The following POMGNT1 variants were observed in gnomAD, a reference collection of about 807,000 sequenced individuals.
The protein encoded by POMGNT1 is protein O-linked-mannose beta-1,2-N-acetylglucosaminyltransferase 1.
A neutral mutation model predicts 95.6 loss-of-function variants in POMGNT1; 67 were observed. The observed-to-expected ratio is 0.70, with a 90% CI of 0.58 to 0.86. POMGNT1 has a LOEUF of 0.86. POMGNT1 is among the 40% of genes least tolerant of loss of function. The pLI is 0.00. For synonymous variants in POMGNT1, 298 were observed against 317.9 expected (o/e 0.94, Z 0.66); for missense variants, 719 against 855.2 (o/e 0.84, Z 1.99).
rs151257405 is a variant in POMGNT1, at chr1:46,189,409, T to A, written c.1895+49A>T. ...GAGAAGAAGCCATTAGCTATATCCC[T>A]GGATCTCACTAGGCCTCCTGTTTCC... is the stretch of plus-strand genomic sequence containing the variant. On this transcript the variant is annotated intron_variant, in intron 21 of 21. Transcript: ENST00000371984. The A allele has an allele frequency of 3.6e-3, 5,781 of 1,613,822 alleles. 16 individuals carry two copies. The highest frequency in any genetic ancestry group is 4.2e-3 in the Non-Finnish European group (4,999 of 1,179,860).
At chr1:46,199,292 C>G (rs898351729), upstream of POMGNT1, among the ~76,000 whole-genome samples, 4 of 152,224 alleles carry the variant, frequency 2.6e-5, no homozygotes, top group Admixed American at 6.5e-5. Context: ...GACCTAATAT[C>G]ACAAAGCTAG....
At chr1:46,214,015 A>T (rs1319097296) in intron 1 of POMGNT1, among the ~76,000 whole-genome samples, 1 of 152,146 alleles carries the variant, frequency 6.6e-6, no homozygotes, top group Non-Finnish European at 1.5e-5. Flanking sequence ...AAGATGATAG[A>T]CATCTGACCC....
exon 1 of POMGNT1, chr1:46,220,201 A>G (rs1659198428): frequency 6.2e-7 from 1 of 1,610,192 alleles, no homozygotes; most frequent in Admixed American, 1.7e-5. Flanking sequence ...CAGTGCCAGG[A>G]TGATGTGACC....
intron 13 of POMGNT1, 35 bp from the exon 14 acceptor site, chr1:46,192,993 G>A (rs1186702943): frequency 1.2e-6 from 2 of 1,612,768 alleles, no homozygotes; most frequent in East Asian, 2.2e-5. Context: ...GTCCCAAAGG[G>A]GTCTCTCCAT....
At position 46,193,164 on chromosome 1, in the gene POMGNT1, T is replaced by A. The variant is rs2148191095; in HGVS notation, c.1152+10A>T. The A allele has an allele frequency of 2.5e-6, 4 of 1,614,122 alleles. No individual in the cohort carries two copies. The South Asian group carries it at 4.4e-5, about 18-fold the overall frequency. The stretch of plus-strand genomic sequence containing the variant: ...CTCCCAGGCCCAAGAGTTGTATCCT[T>A]AGTACTCACCGGAAACAGGTTGAAA... On this transcript the variant is annotated intron_variant, in intron 13 of 21. Coordinates refer to ENST00000371984, the MANE Select transcript of POMGNT1 (RefSeq NM_017739.4).
At chr1:46,217,263 GAATA>G (rs1038589662) in intron 1 of POMGNT1, among the ~76,000 whole-genome samples, 3 of 152,134 alleles carry the variant, frequency 2.0e-5, no homozygotes, top group African/African-American at 7.2e-5. Flanking sequence ...TCAGAAGATG[GAATA>G]GATAGAACGT....
At chr1:46,200,460 C>T (rs1658504811), upstream of POMGNT1, among the ~76,000 whole-genome samples, 1 of 152,204 alleles carries the variant, frequency 6.6e-6, no homozygotes, top group Non-Finnish European at 1.5e-5. Context: ...TGAACTGCAC[C>T]AGGCCAAACA....
chr1:46,203,534 G>A (rs958086754), intron 1 of POMGNT1: 3 of 1,568,352 alleles, frequency 1.9e-6, no homozygotes, highest in East Asian at 2.3e-5. Flanking sequence ...GCGAGTGTGA[G>A]CTGGGAACCT....
intron 1 of POMGNT1, among the ~76,000 whole-genome samples, chr1:46,206,921 G>A (rs1453666935): frequency 6.6e-6 from 1 of 152,178 alleles, no homozygotes; most frequent in Non-Finnish European, 1.5e-5. Flanking sequence ...AGGATGATAA[G>A]TGCTGGTAGA....
At chr1:46,190,164 C>G (rs1005634464) in intron 19 of POMGNT1, 175 bp from the exon 20 acceptor site, 18 of 799,206 alleles carry the variant, frequency 2.3e-5, no homozygotes, top group Non-Finnish European at 3.3e-5. Context: ...CCTGCCTCAG[C>G]CTCCCAAGTA....
chr1:46,203,892 T>G (rs1347055086), intron 1 of POMGNT1, among the ~76,000 whole-genome samples: 1 of 151,902 alleles, frequency 6.6e-6, no homozygotes, highest in East Asian at 1.9e-4. Context: ...GCCAAATAAT[T>G]GGGAGGAGAG....
intron 1 of POMGNT1, among the ~76,000 whole-genome samples, chr1:46,206,860 G>A (rs1658732941): frequency 6.6e-6 from 1 of 152,186 alleles, no homozygotes; most frequent in Admixed American, 6.5e-5. Context: ...TGCTCTCAGG[G>A]AGCTCACAGT....
chr1:46,214,865 C>G (rs1362627179), intron 1 of POMGNT1, among the ~76,000 whole-genome samples: 6 of 38,858 alleles, frequency 1.5e-4, no homozygotes, highest in Non-Finnish European at 2.0e-4. Flanking sequence ...GAGACTCCAT[C>G]TCAAAAAAAA....
At position 46,220,113 on chromosome 1, in the gene POMGNT1, A is replaced by G. The variant is rs139062618; in HGVS notation, c.-459T>C. ...AGCTGTGTGGAAGCCCCCAGGGGAG[A>G]GGCTTCAAGGTGGACCACCTGAGTC... On this transcript the variant is annotated 5_prime_UTR_variant, in exon 1 of 23. Coordinates refer to the POMGNT1 transcript ENST00000371992. 6.8e-6 allele frequency: 11 copies of G among 1,614,052 alleles called. No homozygotes were observed. The African/African-American group carries it at 9.3e-5, about 14-fold the overall frequency.
rs767161971 is a variant in POMGNT1 at position 46,192,793 on chromosome 1, G to A, written c.1211+107C>T. ...GCCATCCTACCTTTGCCCAGGCTTC[G>A]CCCCCACTTGTGAGCTCATGTCCTC... On this transcript the variant is annotated intron_variant, in intron 14 of 21. Coordinates refer to ENST00000371984, the MANE Select transcript of POMGNT1 (RefSeq NM_017739.4). 60 of 1,586,992 alleles carry A rather than the reference G, an allele frequency of 3.8e-5. 1 individual carries two copies. The highest frequency in any genetic ancestry group is 1.4e-4 in the South Asian group (13 of 90,310).
chr1:46,208,061 C>G (rs369602129), intron 1 of POMGNT1, among the ~76,000 whole-genome samples: 1 of 151,340 alleles, frequency 6.6e-6, no homozygotes, highest in South Asian at 2.1e-4. Flanking sequence ...GGTTTCACCA[C>G]GTTGGCCAGG....
intron 1 of POMGNT1, among the ~76,000 whole-genome samples, chr1:46,213,117 A>C (rs1658954788): frequency 6.6e-6 from 1 of 152,082 alleles, no homozygotes; most frequent in Non-Finnish European, 1.5e-5. Flanking sequence ...ATGCACATAT[A>C]TATAAACATT....
At position 46,190,007 on chromosome 1, in the gene POMGNT1, A is replaced by AGAATATAGCC; in HGVS notation, c.1650-28_1650-19dup. 6.2e-7 allele frequency: 1 copy of AGAATATAGCC among 1,612,524 alleles called. No homozygotes were observed. The highest frequency in any genetic ancestry group is 8.5e-7 in the Non-Finnish European group (1 of 1,179,378). ...CAGCCTCACTGCAGTAGAGGGTGGG[A>AGAATATAGCC]GAATATAGCCAAGACAGGGCCCACT... On this transcript the variant is annotated intron_variant, in intron 19 of 21. Coordinates refer to ENST00000371984, the MANE Select transcript of POMGNT1 (RefSeq NM_017739.4).
At chr1:46,190,044 T>C (rs1368606477) in intron 19 of POMGNT1, 55 bp from the exon 20 acceptor site, 1 of 1,601,614 alleles carries the variant, frequency 6.2e-7, no homozygotes, top group Admixed American at 1.7e-5. Context: ...CATGGGTGTG[T>C]CCCACAGGAC....
Sources: allele counts gnomAD v4.1 joint callset (sites outside exome capture counted in the v4.1 genomes callset), GRCh38; gene constraint gnomAD v4.1.1; transcripts MANE v1.5; gene names NCBI Gene and HGNC (gene_info 2026-07-23, HGNC 2026-07-21).